The following FBXO36 variants were observed in gnomAD, a reference collection of about 807,000 sequenced individuals.
The protein encoded by FBXO36 is F-box protein 36, also known as F-box only protein 36.
A neutral mutation model predicts 17.0 loss-of-function variants in FBXO36; 18 were observed. The ratio of observed to expected loss-of-function variants is 1.06; its 90% CI spans 0.73 to 1.57. The LOEUF (loss-of-function observed/expected upper bound fraction) is 1.57. Ranked by LOEUF, FBXO36 falls within the 40% of genes most tolerant of loss-of-function variation. FBXO36 has a pLI of 0.00. For missense variants in FBXO36, 229 were observed against 221.9 expected (o/e 1.03, Z -0.20); for synonymous variants, 83 against 85.3 (o/e 0.97, Z 0.15).
chr2:229,930,215 A>G (rs1323887313), intron 1 of FBXO36, among the ~76,000 whole-genome samples: 1 of 151,894 alleles, frequency 6.6e-6, no homozygotes, highest in East Asian at 1.9e-4. Flanking sequence ...GCATGGTGAC[A>G]TGAGCCTGTA....
At chr2:229,975,929 T>C (rs1190549155) in intron 1 of FBXO36, among the ~76,000 whole-genome samples, 10 of 151,912 alleles carry the variant, frequency 6.6e-5, no homozygotes, top group Non-Finnish European at 1.5e-5. Flanking sequence ...TGCCTCAGCC[T>C]CCCAAGTAGC....
Position 230,010,689 on chromosome 2 carries a change from C to T in FBXO36, c.379-7C>T. 1.3e-6 allele frequency: 2 copies of T among 1,596,428 alleles called. No homozygotes were observed. Among genetic ancestry groups the T allele is most frequent in the South Asian group, 2.2e-5 (2 of 89,710 alleles). Reference sequence around the variant, plus strand: ...TGTAACCCACCTCTGACTTTTCCCACCCACAGCTGTGCATGTCTGATAAAC... The same window carrying T: ...TGTAACCCACCTCTGACTTTTCCCATCCACAGCTGTGCATGTCTGATAAAC... On this transcript the variant is annotated splice_polypyrimidine_tract_variant and splice_region_variant and intron_variant, in intron 3 of 3. Transcript: ENST00000283946.
rs77659929 is a variant in FBXO36, at chr2:229,997,923, C to A, written c.378+1000C>A. On this transcript the variant is annotated intron_variant, in intron 3 of 3. Transcript: ENST00000283946. ...TCTGTTGTTCCTTCAACTCCAGAACCCCCAATGCTACCCCACAATCACACA... is the reference window on the plus strand; with the variant it reads ...TCTGTTGTTCCTTCAACTCCAGAACACCCAATGCTACCCCACAATCACACA... 1.8e-4 allele frequency among the ~76,000 whole-genome samples: 27 copies of A among 152,278 alleles called. No homozygotes were observed. The East Asian group carries it at 5.0e-3, about 28-fold the overall frequency.
chr2:229,947,813 G>T (rs1218391303), intron 1 of FBXO36, among the ~76,000 whole-genome samples: 1 of 152,214 alleles, frequency 6.6e-6, no homozygotes, highest in Non-Finnish European at 1.5e-5. Flanking sequence ...AAGATGATGA[G>T]ATCAGTTTTT....
rs949743844 is a variant in FBXO36 at position 229,929,134 on chromosome 2, A to G, written c.96+6525A>G. 1.1e-4 allele frequency among the ~76,000 whole-genome samples: 17 copies of G among 151,468 alleles called. 1 individual carries two copies. Among genetic ancestry groups the G allele is most frequent in the Non-Finnish European group, 1.9e-4 (13 of 67,858 alleles). Reference sequence around the variant, plus strand: ...TTTTTATTAGAGATGGGGTTTCACCATGTTTGCCAGACTGGTCTCAAACTC... The same window carrying G: ...TTTTTATTAGAGATGGGGTTTCACCGTGTTTGCCAGACTGGTCTCAAACTC... On this transcript the variant is annotated intron_variant, in intron 1 of 3. Transcript: ENST00000283946.
chr2:229,931,959 T>TAA (rs2076940894), intron 1 of FBXO36, among the ~76,000 whole-genome samples: 1 of 148,420 alleles, frequency 6.7e-6, no homozygotes, highest in Admixed American at 6.9e-5. Context: ...ATCTGTCACC[T>TAA]AAGCTGGAGT....
chr2:229,924,219 A>G (rs1434495243), intron 1 of FBXO36, among the ~76,000 whole-genome samples: 1 of 152,074 alleles, frequency 6.6e-6, no homozygotes. Context: ...CAGCCCCCCG[A>G]GTAACTGGGA....
chr2:229,999,379 G>A (rs34784840), intron 3 of FBXO36, among the ~76,000 whole-genome samples: 2,292 of 135,782 alleles, frequency 0.017, 59 homozygotes, highest in East Asian at 0.12. Flanking sequence ...CACCCACCTC[G>A]GCCTCCCAAA....
chr2:229,989,014 G>A (rs192773947), intron 2 of FBXO36, among the ~76,000 whole-genome samples: 220 of 151,746 alleles, frequency 1.4e-3, no homozygotes, highest in African/African-American at 4.9e-3. Flanking sequence ...CAATCTTTTC[G>A]TATCACAGAT....
intron 3 of FBXO36, among the ~76,000 whole-genome samples, chr2:230,000,355 CAAA>C (rs3086348): frequency 2.3e-4 from 18 of 77,456 alleles, no homozygotes; most frequent in South Asian, 1.4e-3. Flanking sequence ...GAGACTGTCT[CAAA>C]AAAAAAAAAA....
intron 1 of FBXO36, among the ~76,000 whole-genome samples, chr2:229,923,689 A>T (rs914098928): frequency 2.3e-4 from 35 of 151,770 alleles, no homozygotes; most frequent in Non-Finnish European, 4.7e-4. Context: ...AATTTTTTTT[A>T]AAACAGTACT....
At chr2:229,968,640 G>A (rs1382030916) in intron 1 of FBXO36, among the ~76,000 whole-genome samples, 1 of 152,026 alleles carries the variant, frequency 6.6e-6, no homozygotes, top group African/African-American at 2.4e-5. Context: ...GCTAATTTTT[G>A]TATTTTTTGT....
At chr2:229,968,245 C>T (rs1184831076) in intron 1 of FBXO36, among the ~76,000 whole-genome samples, 1 of 151,510 alleles carries the variant, frequency 6.6e-6, no homozygotes, top group Non-Finnish European at 1.5e-5. Context: ...TGTATTTTCC[C>T]TTAAACTTTC....
intron 3 of FBXO36, among the ~76,000 whole-genome samples, chr2:230,003,951 A>G (rs909551800): frequency 5.9e-5 from 9 of 152,062 alleles, no homozygotes; most frequent in Non-Finnish European, 1.0e-4. Context: ...GCCATTTTAC[A>G]TTGTACTCTG....
At chr2:229,993,757 C>T (rs990930031) in intron 2 of FBXO36, among the ~76,000 whole-genome samples, 1 of 150,598 alleles carries the variant, frequency 6.6e-6, no homozygotes, top group Non-Finnish European at 1.5e-5. Flanking sequence ...AAAACTTTTA[C>T]ACTTTATTTA....
intron 1 of FBXO36, among the ~76,000 whole-genome samples, chr2:229,957,947 T>C (rs1047514733): frequency 6.6e-6 from 1 of 152,154 alleles, no homozygotes; most frequent in African/African-American, 2.4e-5. Flanking sequence ...CACCTTCAAG[T>C]TGTAAATAGT....
intron 3 of FBXO36, among the ~76,000 whole-genome samples, chr2:230,002,769 A>G (rs1233041428): frequency 2.0e-5 from 3 of 152,260 alleles, no homozygotes; most frequent in African/African-American, 7.2e-5. Context: ...TGGTTTACAT[A>G]GCAGTTAATG....
chr2:229,972,835 G>A (rs1001063543), intron 1 of FBXO36, among the ~76,000 whole-genome samples: 7 of 151,798 alleles, frequency 4.6e-5, no homozygotes. Flanking sequence ...AGGCTGAGGC[G>A]GGAGGATCAC....
chr2:229,942,113 T>C (rs2077002669), intron 1 of FBXO36, among the ~76,000 whole-genome samples: 1 of 152,124 alleles, frequency 6.6e-6, no homozygotes, highest in South Asian at 2.1e-4. Context: ...AAGCTAAGTA[T>C]TAACTAAGGA....
Sources: gnomAD v4.1 joint callset for allele counts (sites outside exome capture counted in the v4.1 genomes callset) on GRCh38, gnomAD v4.1.1 for gene constraint, MANE v1.5 for transcripts, NCBI Gene and HGNC (gene_info 2026-07-23, HGNC 2026-07-21) for gene names.